Variants in DST observed in about 807,000 individuals in gnomAD.
DST encodes dystonin.
In DST, 253 loss-of-function variants were observed where a neutral mutation model predicts 875.2. The ratio of observed to expected loss-of-function variants is 0.29; its 90% CI spans 0.26 to 0.32. The LOEUF is 0.32. DST is among the 10% of genes least tolerant of loss of function. The probability of loss-of-function intolerance (pLI) is 1.00; values close to 1 mark genes in which losing one functional copy is unlikely to be tolerated. For missense variants in DST, 8,287 were observed against 9,111.6 expected, an observed-to-expected ratio of 0.91 and a Z score of 3.68; for synonymous variants, 3,124 against 3,197.1, an observed-to-expected ratio of 0.98 and a Z score of 0.77.
chr6:56,816,020 T>C (rs938861477), intron 4 of DST, among the ~76,000 whole-genome samples: 2 of 152,186 alleles, frequency 1.3e-5, no homozygotes, highest in African/African-American at 2.4e-5. Context: ...TTATCTACTT[T>C]TCTTTCTTCC....
Position 56,592,338 on chromosome 6 carries a change from A to T in DST, c.12747T>A (p.Asn4249Lys). The T allele has an allele frequency of 1.3e-6, 2 of 1,597,636 alleles. No homozygotes were observed. The highest frequency in any genetic ancestry group is 8.5e-7 in the Non-Finnish European group (1 of 1,170,838). ...GATATTTATCCACCAGATCTTTAAG[A>T]TTATTTCCAAGAACATTGCACTAAC... ...LYSKCNVLGN[N>K]LKDLVDKYQH... The change falls in exon 49 of 104, where the codon AAT becomes AAA. Residue 4249 changes from asparagine (N) to lysine (K), a missense_variant. Coordinates refer to ENST00000680361, the MANE Select transcript of DST (RefSeq NM_001374736.1).
At position 56,640,045 on chromosome 6, in the gene DST, G is replaced by T. The variant is rs144056466; in HGVS notation, c.2503C>A (p.Arg835Ser). ...WVDEMQVQLD[R>S]TEWGSDLPSV... ...GGCAAATCTGAGCCCCACTCAGTGCGGTCCAGTTGTACCTTCAGACAGTAA... is the reference window on the plus strand; with the variant it reads ...GGCAAATCTGAGCCCCACTCAGTGCTGTCCAGTTGTACCTTCAGACAGTAA... Residue 835 changes from arginine to serine, a missense_variant, in exon 19 of 104, where the codon CGC becomes AGC. By Grantham distance (110) the Arg-to-Ser change is moderately radical. Around this residue, in one of 10 missense-constraint regions of DST, gnomAD observed 1,160 missense variants for 1,424.3 expected, o/e 0.81. Transcript: ENST00000680361. 6.2e-7 allele frequency: 1 copy of T among 1,613,832 alleles called. No homozygotes were observed. The highest frequency in any genetic ancestry group is 1.3e-5 in the African/African-American group (1 of 74,862).
Position 56,757,408 on chromosome 6 carries a change from T to C in DST, c.626-22119A>G, listed in dbSNP as rs2099606771. On this transcript the variant is annotated intron_variant, in intron 4 of 103. Transcript: ENST00000680361. Reference sequence around the variant, plus strand: ...TAACCATTCTGTTTATGGTGCAATATACAGTGTGGCCCAAGTTCTGGCAAA... The same window carrying C: ...TAACCATTCTGTTTATGGTGCAATACACAGTGTGGCCCAAGTTCTGGCAAA... Among the ~76,000 whole-genome samples, 3 of 152,320 alleles carry C rather than the reference T, an allele frequency of 2.0e-5. No homozygotes were observed. The Middle Eastern group carries it at 0.01, about 518-fold the overall frequency.
chr6:56,896,778 A>T (rs928322922), intron 3 of DST, among the ~76,000 whole-genome samples: 8 of 152,100 alleles, frequency 5.3e-5, no homozygotes, highest in Admixed American at 2.0e-4. Flanking sequence ...AGAACTGTCT[A>T]TTCATGTCCT....
intron 90 of DST, 72 bp from the exon 91 acceptor site, chr6:56,477,560 G>T: frequency 6.3e-7 from 1 of 1,578,274 alleles, no homozygotes; most frequent in South Asian, 1.1e-5. Context: ...GCATTTGTTT[G>T]ACTGCCAGAA....
intron 4 of DST, among the ~76,000 whole-genome samples, chr6:56,823,421 G>GT (rs919585318): frequency 1.5e-4 from 23 of 150,388 alleles, no homozygotes; most frequent in Admixed American, 5.3e-4. Context: ...ATTTTTTTTT[G>GT]TTTTTTTTGA....
At chr6:56,944,045 A>T (rs1818140616) in intron 2 of DST, among the ~76,000 whole-genome samples, 1 of 152,098 alleles carries the variant, frequency 6.6e-6, no homozygotes, top group South Asian at 2.1e-4. Context: ...TGAACCCAGG[A>T]GGCAGAGGTT....
In DST at chr6:56,608,294, T is replaced by C. The variant is rs575202711; in HGVS notation, c.6334A>G (p.Ile2112Val). 2.5e-6 allele frequency: 4 copies of C among 1,613,548 alleles called. No homozygotes were observed. In the African/African-American group the frequency reaches 5.3e-5, roughly 22 times the overall value. ...CCAATGACTTGAGAACTTTCTGGAATATAAAGAGCAGCTATTTTTTGTCTG... is the reference window on the plus strand; with the variant it reads ...CCAATGACTTGAGAACTTTCTGGAACATAAAGAGCAGCTATTTTTTGTCTG... ...NGRQKIAALYIPESSQVIGLD... is the reference protein window; with the variant it reads ...NGRQKIAALYVPESSQVIGLD... Residue 2112 changes from isoleucine (I) to valine (V), a missense_variant, in exon 40 of 104, where the codon ATT becomes GTT. Physicochemically the swap from Ile to Val is conservative, Grantham distance 29. Around this residue, in one of 10 missense-constraint regions of DST, gnomAD observed 3,138 missense variants for 3,116.6 expected, o/e 1.01. Transcript: ENST00000680361.
intron 9 of DST, among the ~76,000 whole-genome samples, chr6:56,691,461 C>T (rs1235747463): frequency 3.3e-5 from 5 of 152,148 alleles, no homozygotes; most frequent in African/African-American, 1.2e-4. Context: ...TATCATTATG[C>T]AAATGATCTC....
chr6:56,605,157 A>C lies in DST; in HGVS notation c.9471T>G (p.Ile3157Met). ...AATGTGTATTCCCTTCCCACGATGT[A>C]ATGTCTGAAGTAATGTCATCACTAA... is the stretch of plus-strand genomic sequence containing the variant. ...KEISDDITSD[I>M]TSWEGNTHFE... Residue 3157 changes from isoleucine to methionine, a missense_variant, in exon 40 of 104, where the codon ATT becomes ATG. Physicochemically the swap from Ile to Met is conservative, Grantham distance 10. Coordinates refer to ENST00000680361, the MANE Select transcript of DST (RefSeq NM_001374736.1). The C allele has an allele frequency of 6.2e-7, 1 of 1,612,414 alleles. No individual in the cohort carries two copies. Among genetic ancestry groups the C allele is most frequent in the South Asian group, 1.1e-5 (1 of 90,966 alleles).
chr6:56,930,670 A>T (rs1379330282), intron 2 of DST, among the ~76,000 whole-genome samples: 1 of 152,158 alleles, frequency 6.6e-6, no homozygotes, highest in Non-Finnish European at 1.5e-5. Flanking sequence ...TTATATCTTT[A>T]TCTGAAGTGA....
At chr6:56,558,828 C>A (rs2097480515) in intron 58 of DST, among the ~76,000 whole-genome samples, 1 of 152,120 alleles carries the variant, frequency 6.6e-6, no homozygotes, top group South Asian at 2.1e-4. Context: ...CTTTTGCTCA[C>A]ACAGGTCCTG....
At chr6:56,592,125 A>G in intron 49 of DST, 57 bp downstream of exon 49, 1 of 1,496,826 alleles carries the variant, frequency 6.7e-7, no homozygotes. Flanking sequence ...AAGTGTGAGA[A>G]ATTGGAAGCC....
intron 4 of DST, among the ~76,000 whole-genome samples, chr6:56,773,610 C>G (rs1353952974): frequency 6.6e-6 from 1 of 152,086 alleles, no homozygotes; most frequent in Non-Finnish European, 1.5e-5. Flanking sequence ...TCTGCTCAAC[C>G]CCAACCAACT....
At chr6:56,920,846 A>G (rs1803766401) in intron 2 of DST, among the ~76,000 whole-genome samples, 1 of 143,074 alleles carries the variant, frequency 7.0e-6, no homozygotes, top group South Asian at 2.2e-4. Context: ...CTCCTGCCTC[A>G]GCCTCCGGAG....
chr6:56,889,770 G>A (rs1323588440), intron 3 of DST, among the ~76,000 whole-genome samples: 1 of 152,074 alleles, frequency 6.6e-6, no homozygotes, highest in Non-Finnish European at 1.5e-5. Context: ...TCTGAAAGTT[G>A]TACATTAACA....
At chr6:56,537,072 C>T (rs1462539762) in intron 61 of DST, 132 bp from the exon 62 acceptor site, 3 of 760,670 alleles carry the variant, frequency 3.9e-6, no homozygotes, top group East Asian at 2.7e-5. Context: ...TTTTTATTGT[C>T]TAGCCATAGG....
intron 4 of DST, among the ~76,000 whole-genome samples, chr6:56,741,954 A>T (rs1053860010): frequency 6.6e-6 from 1 of 152,218 alleles, no homozygotes; most frequent in Non-Finnish European, 1.5e-5. Flanking sequence ...TTGGGGGGGA[A>T]CAAATAAATG....
rs551555495 is a variant in DST at position 56,501,532 on chromosome 6, G to T, written c.19728C>A (p.Ile6576=). Residue 6576 remains isoleucine, a synonymous_variant, in exon 79 of 104, where the codon ATC becomes ATA. Coordinates refer to ENST00000680361, the MANE Select transcript of DST (RefSeq NM_001374736.1). The stretch of plus-strand genomic sequence containing the variant: ...TCTTGGTATTTACCTGTCTGTTGAT[G>T]ATTCTCTCCTCCAGGCTATCCCATA... ...KLIWDSLEER[I]INRQHKLEGA... is the part of the protein sequence containing the mutation. 1.1e-5 allele frequency: 17 copies of T among 1,572,836 alleles called. No homozygotes were observed. The South Asian group carries it at 1.8e-4, about 17-fold the overall frequency.
Sources: allele counts gnomAD v4.1 joint callset (sites outside exome capture counted in the v4.1 genomes callset), GRCh38; gene constraint gnomAD v4.1.1; regional missense constraint gnomAD v4.1.1; transcripts MANE v1.5; gene names NCBI Gene and HGNC (gene_info 2026-07-23, HGNC 2026-07-21).